EML6: variants seen among roughly 807,000 people sequenced by gnomAD.
EML6 encodes the protein EMAP like 6, also known as echinoderm microtubule-associated protein-like 6.
EML6 carries 154 observed loss-of-function variants against 240.1 expected under a neutral mutation model. The observed-to-expected ratio is 0.64, with a 90% confidence interval of 0.56 to 0.73. The LOEUF (loss-of-function observed/expected upper bound fraction) is 0.73. Among genes scored for constraint, EML6 ranks in the 30% least tolerant of loss-of-function variants. The pLI, the probability that EML6 is intolerant of heterozygous loss-of-function variation, is 0.00. For missense variants in EML6, 2,964 were observed against 2,474.6 expected, an observed-to-expected ratio of 1.20 and a Z score of -4.20; for synonymous variants, 1,148 against 899.0, an observed-to-expected ratio of 1.28 and a Z score of -4.95.
At chr2:54,908,366 T>C (rs1317277078) in intron 24 of EML6, among the ~76,000 whole-genome samples, 4 of 152,090 alleles carry the variant, frequency 2.6e-5, no homozygotes, top group Admixed American at 2.0e-4. Flanking sequence ...CCTGCCACCA[T>C]GCCCGGCTAA....
At chr2:54,825,877 C>G (rs1475144752) in intron 5 of EML6, among the ~76,000 whole-genome samples, 2 of 152,144 alleles carry the variant, frequency 1.3e-5, no homozygotes, top group Non-Finnish European at 2.9e-5. Flanking sequence ...TAAAATAGTA[C>G]AATGTTACTG....
chr2:54,869,097 A>G (rs967417013), intron 14 of EML6, 84 bp from the exon 15 acceptor site: 2 of 853,752 alleles, frequency 2.3e-6, no homozygotes, highest in African/African-American at 3.4e-5. Context: ...TCACGTCAAT[A>G]TGTTAGCCTT....
chr2:54,903,092 G>A lies in EML6; in HGVS notation c.3173G>A (p.Gly1058Asp). ...CCTGATGGGAAAGCCTTAGCGGTTG[G>A]CTTGAACGATGGGAGTTTCCTGGTG... is the stretch of plus-strand genomic sequence containing the variant. Reference protein sequence around the residue: ...FSPDGKALAVGLNDGSFLVVN... With the variant: ...FSPDGKALAVDLNDGSFLVVN... Residue 1058 changes from glycine (G) to aspartate (D), a missense_variant, in exon 23 of 42, where the codon GGC becomes GAC. By Grantham distance (94) the Gly-to-Asp change is moderately conservative. Transcript: ENST00000356458. 1 of 1,551,792 alleles carries A rather than the reference G, an allele frequency of 6.4e-7. No individual in the cohort carries two copies. The highest frequency in any genetic ancestry group is 8.7e-7 in the Non-Finnish European group (1 of 1,146,990).
intron 17 of EML6, among the ~76,000 whole-genome samples, chr2:54,888,017 T>C (rs566296945): frequency 1.3e-5 from 2 of 152,350 alleles, no homozygotes; most frequent in African/African-American, 4.8e-5. Flanking sequence ...TCATGTAGCG[T>C]TACCAAGCTA....
intron 7 of EML6, among the ~76,000 whole-genome samples, chr2:54,837,592 G>C (rs1369715692): frequency 6.6e-6 from 1 of 152,048 alleles, no homozygotes; most frequent in Non-Finnish European, 1.5e-5. Context: ...ATCATCTTTG[G>C]GCTTTCCGAT....
intron 33 of EML6, among the ~76,000 whole-genome samples, chr2:54,958,495 A>T (rs980895005): frequency 1.3e-5 from 2 of 150,256 alleles, no homozygotes; most frequent in African/African-American, 2.4e-5. Flanking sequence ...CCTGGCCAAT[A>T]TTTTTTTTTT....
At chr2:54,937,152 C>T (rs1185780936) in intron 28 of EML6, among the ~76,000 whole-genome samples, 3 of 151,816 alleles carry the variant, frequency 2.0e-5, no homozygotes, top group Admixed American at 1.3e-4. Flanking sequence ...GGTGCACATG[C>T]CTGTAATCCC....
At chr2:54,802,051 A>T (rs929514849) in intron 2 of EML6, among the ~76,000 whole-genome samples, 1 of 152,138 alleles carries the variant, frequency 6.6e-6, no homozygotes, top group African/African-American at 2.4e-5. Flanking sequence ...ATGTCAACTT[A>T]CTCATTCAAC....
chr2:54,795,807 C>T (rs557371887), intron 2 of EML6, among the ~76,000 whole-genome samples: 2 of 152,132 alleles, frequency 1.3e-5, no homozygotes, highest in South Asian at 2.1e-4. Context: ...CAGGTGAAAA[C>T]GCTGATGAAT....
At chr2:54,849,767 C>T (rs149743490) in intron 9 of EML6, among the ~76,000 whole-genome samples, 195 bp from the exon 10 acceptor site, 4,125 of 152,320 alleles carry the variant, frequency 0.027, 73 homozygotes, top group Non-Finnish European at 0.037. Context: ...GGATTACAGG[C>T]GTAAGCCACC....
At chr2:54,806,477 G>T (rs2104001709) in intron 2 of EML6, among the ~76,000 whole-genome samples, 1 of 151,954 alleles carries the variant, frequency 6.6e-6, no homozygotes, top group Non-Finnish European at 1.5e-5. Flanking sequence ...GCTGGGCGTG[G>T]TAGCACGTGC....
chr2:54,725,007 G>T lies in EML6; in HGVS notation c.-55G>T. On this transcript the variant is annotated 5_prime_UTR_variant, in exon 2 of 42. Transcript: ENST00000356458. The surrounding 1 kb of genome is among the most constrained non-coding windows in gnomAD (Gnocchi z 4.3). Reference sequence around the variant, plus strand: ...GCAGGTCCGCCGCAGCCCCAGCCTCGGCGAGGACGGCCCCGGCGCGCGGGG... The same window carrying T: ...GCAGGTCCGCCGCAGCCCCAGCCTCTGCGAGGACGGCCCCGGCGCGCGGGG... 7.2e-7 allele frequency: 1 copy of T among 1,395,134 alleles called. No homozygotes were observed. The highest frequency in any genetic ancestry group is 9.3e-7 in the Non-Finnish European group (1 of 1,074,832). 86.4% of individuals were successfully genotyped at this position (1,395,134 alleles called of 1,614,324 possible).
intron 2 of EML6, among the ~76,000 whole-genome samples, chr2:54,743,992 G>T (rs1002701605): frequency 2.6e-5 from 4 of 152,086 alleles, no homozygotes; most frequent in African/African-American, 9.7e-5. Flanking sequence ...TGGCCTCTAG[G>T]AGGATGTTAG....
intron 2 of EML6, among the ~76,000 whole-genome samples, chr2:54,757,748 C>T (rs1667804460): frequency 6.6e-6 from 1 of 152,182 alleles, no homozygotes; most frequent in South Asian, 2.1e-4. Context: ...GGCCCTGAGC[C>T]TTTCCAGGTT....
intron 38 of EML6, among the ~76,000 whole-genome samples, chr2:54,966,356 C>A (rs1478916641): frequency 6.6e-6 from 1 of 152,232 alleles, no homozygotes; most frequent in African/African-American, 2.4e-5. Context: ...GGAAAGAGCT[C>A]AGCTTCCCAG....
rs2241959 is a variant in EML6 at position 54,971,263 on chromosome 2, G to A, written c.*1168G>A. Reference sequence around the variant, plus strand: ...AGTTCCTTGGAGTTGGTTGTATGACGGAATATGACTTGGACAATCTTTACC... The same window carrying A: ...AGTTCCTTGGAGTTGGTTGTATGACAGAATATGACTTGGACAATCTTTACC... On this transcript the variant is annotated 3_prime_UTR_variant, in exon 42 of 42. Transcript: ENST00000356458. The A allele has an allele frequency of 0.28, 42,689 of 152,102 alleles. 6,299 individuals are homozygous for A. Among genetic ancestry groups the A allele is most frequent in the Non-Finnish European group, 0.33 (22,710 of 67,976 alleles). 9.4% of individuals were successfully genotyped at this position (152,102 alleles called of 1,614,324 possible). A position where few individuals can be genotyped will look rare whatever the true frequency, so the allele number is the denominator to read the frequency against.
In EML6 at chr2:54,834,422, G is replaced by C. The variant is rs186148966; in HGVS notation, c.847+4945G>C. On this transcript the variant is annotated intron_variant, in intron 7 of 41. Transcript: ENST00000356458. ...CTTCTAGGATAATAAAACACTTTGG[G>C]TTAATGGTTATAAATGATTCTGTCT... Among the ~76,000 whole-genome samples the C allele has an allele frequency of 2.9e-3, 437 of 152,230 alleles. 3 individuals are homozygous for C. The highest frequency in any genetic ancestry group is 0.022 in the South Asian group (106 of 4,830).
chr2:54,742,978 T>G (rs2103657535), intron 2 of EML6, among the ~76,000 whole-genome samples: 1 of 152,350 alleles, frequency 6.6e-6, no homozygotes, highest in Non-Finnish European at 1.5e-5. Flanking sequence ...TACGCATATT[T>G]CTGGCCACAG....
At position 54,725,912 on chromosome 2, in the gene EML6, C is replaced by G. The variant is rs1169006388; in HGVS notation, c.197+654C>G. Among the ~76,000 whole-genome samples the G allele has an allele frequency of 1.3e-5, 2 of 152,210 alleles. No homozygotes were observed. On this transcript the variant is annotated intron_variant, in intron 2 of 41. Transcript: ENST00000356458. The surrounding 1 kb of genome is among the most constrained non-coding windows in gnomAD (Gnocchi z 4.3). Reference sequence around the variant, plus strand: ...ACAAAATCCTACCAGCCAGCCCACACAATGACCAACATCTGCTAGCGGATG... The same window carrying G: ...ACAAAATCCTACCAGCCAGCCCACAGAATGACCAACATCTGCTAGCGGATG...
Sources: gnomAD v4.1 joint callset for allele counts (sites outside exome capture counted in the v4.1 genomes callset) on GRCh38, gnomAD v4.1.1 for gene constraint, Gnocchi (gnomAD v3.1) non-coding constraint, MANE v1.5 for transcripts, NCBI Gene and HGNC (gene_info 2026-07-23, HGNC 2026-07-21) for gene names.